Variants in PDE8B observed in about 807,000 individuals in gnomAD.
The protein encoded by PDE8B is phosphodiesterase 8B.
PDE8B carries 26 observed loss-of-function variants against 101.3 expected under a neutral mutation model. The ratio of observed to expected loss-of-function variants is 0.26; its 90% CI spans 0.19 to 0.36. The LOEUF is 0.36. Among genes scored for constraint, PDE8B ranks in the 10% least tolerant of loss-of-function variants. The pLI is 1.00. For missense variants in PDE8B, 810 were observed against 1,163.1 expected (o/e 0.70, Z 4.42); for synonymous variants, 424 against 429.3 (o/e 0.99, Z 0.15).
chr5:77,268,037 TA>T (rs961991597), intron 1 of PDE8B, among the ~76,000 whole-genome samples: 2,812 of 142,472 alleles, frequency 0.02, 59 homozygotes, highest in African/African-American at 0.063. Flanking sequence ...TTTAACAGGT[TA>T]AAAAAAAAAA....
intron 8 of PDE8B, 137 bp from the exon 9 acceptor site, chr5:77,350,928 G>C (rs1428280545): frequency 1.4e-6 from 1 of 731,554 alleles, no homozygotes; most frequent in Non-Finnish European, 2.5e-6. Flanking sequence ...CATTGCACTG[G>C]GTACAACAAT....
chr5:77,319,073 T>A (rs750697156), intron 2 of PDE8B, among the ~76,000 whole-genome samples: 21 of 152,220 alleles, frequency 1.4e-4, no homozygotes, highest in Non-Finnish European at 2.9e-4. Flanking sequence ...AAAGATATGT[T>A]TCAGCTTTCT....
chr5:77,301,352 C>A (rs1313334919), intron 1 of PDE8B, among the ~76,000 whole-genome samples: 1 of 152,164 alleles, frequency 6.6e-6, no homozygotes, highest in Non-Finnish European at 1.5e-5. Context: ...TGTTTCTTTG[C>A]CCATCAAATC....
At chr5:77,292,767 G>T (rs375786972) in intron 1 of PDE8B, among the ~76,000 whole-genome samples, 3 of 152,118 alleles carry the variant, frequency 2.0e-5, no homozygotes, top group African/African-American at 7.2e-5. Flanking sequence ...TAATAAGGAT[G>T]CCAATCCCTT....
chr5:77,168,718 G>A, the PDE8B span, among the ~76,000 whole-genome samples: 1 of 152,192 alleles, frequency 6.6e-6, no homozygotes, highest in Non-Finnish European at 1.5e-5. Flanking sequence ...CAGACCAGTG[G>A]CCTCAGCTCC....
At chr5:77,135,915 G>T in the PDE8B span, among the ~76,000 whole-genome samples, 5 of 152,066 alleles carry the variant, frequency 3.3e-5, no homozygotes, top group African/African-American at 1.2e-4. Flanking sequence ...TGGCAAATTT[G>T]AGGTGCCTGG....
At chr5:77,250,475 C>G (rs537668122) in intron 1 of PDE8B, among the ~76,000 whole-genome samples, 42 of 152,314 alleles carry the variant, frequency 2.8e-4, no homozygotes, top group African/African-American at 9.6e-4. Flanking sequence ...TGCCACACTT[C>G]AAGGTAAAAA....
the PDE8B span, among the ~76,000 whole-genome samples, chr5:77,097,727 A>ATATATCTATATATATATATC: frequency 1.6e-5 from 1 of 61,948 alleles, no homozygotes; most frequent in African/African-American, 3.8e-5. Flanking sequence ...ATATATATAT[A>ATATATCTATATATATATATC]TATATACATA....
At chr5:77,271,633 A>G (rs192299760) in intron 1 of PDE8B, among the ~76,000 whole-genome samples, 30 of 152,328 alleles carry the variant, frequency 2.0e-4, no homozygotes, top group Middle Eastern at 3.4e-3. Context: ...TCAACAGGTC[A>G]TGGCCCAGGA....
At chr5:77,370,726 A>C (rs925026932) in intron 10 of PDE8B, among the ~76,000 whole-genome samples, 2 of 152,232 alleles carry the variant, frequency 1.3e-5, no homozygotes, top group Non-Finnish European at 2.9e-5. Context: ...CTTTTGTAAG[A>C]AACTGCCAGT....
At chr5:77,159,409 G>C in the PDE8B span, among the ~76,000 whole-genome samples, 1 of 152,012 alleles carries the variant, frequency 6.6e-6, no homozygotes, top group Non-Finnish European at 1.5e-5. Context: ...AGGAGAGACA[G>C]GCCTAGTTTT....
intron 1 of PDE8B, among the ~76,000 whole-genome samples, chr5:77,215,799 C>CAA (rs1475762790): frequency 2.6e-5 from 4 of 152,224 alleles, no homozygotes; most frequent in South Asian, 2.1e-4. Context: ...GGTGGGAAGA[C>CAA]AGAGTCCAGA....
intron 3 of PDE8B, among the ~76,000 whole-genome samples, chr5:77,328,705 A>G (rs1776530770): frequency 6.6e-6 from 1 of 152,232 alleles, no homozygotes; most frequent in African/African-American, 2.4e-5. Flanking sequence ...TGGAGTTTCA[A>G]TTTTAAAAAA....
intron 10 of PDE8B, among the ~76,000 whole-genome samples, chr5:77,360,472 A>G (rs1326802657): frequency 1.3e-5 from 2 of 152,224 alleles, no homozygotes; most frequent in African/African-American, 4.8e-5. Flanking sequence ...CTTTTTCCAA[A>G]GCAACAGTTG....
chr5:77,425,470 T>C (rs1449960877), intron 20 of PDE8B, among the ~76,000 whole-genome samples: 2 of 152,092 alleles, frequency 1.3e-5, no homozygotes, highest in Non-Finnish European at 2.9e-5. Context: ...GAAGAATTGC[T>C]TGAACCTGGG....
chr5:77,186,372 A>C, the PDE8B span, among the ~76,000 whole-genome samples: 2 of 152,212 alleles, frequency 1.3e-5, no homozygotes, highest in African/African-American at 4.8e-5. Flanking sequence ...TGTTACAGTT[A>C]AGACAATGAG....
At chr5:77,151,662 G>T in the PDE8B span, among the ~76,000 whole-genome samples, 633 of 152,264 alleles carry the variant, frequency 4.2e-3, 7 homozygotes, top group African/African-American at 0.014. Flanking sequence ...GCATGGAGAG[G>T]TTAGATAACA....
At chr5:77,308,842 G>A (rs1771861387) in intron 1 of PDE8B, among the ~76,000 whole-genome samples, 1 of 152,100 alleles carries the variant, frequency 6.6e-6, no homozygotes, top group South Asian at 2.1e-4. Context: ...ACCATGTAAG[G>A]TTAGCTGTAT....
chr5:77,404,903 A>G, intron 12 of PDE8B, 106 bp downstream of exon 12: 1 of 720,284 alleles, frequency 1.4e-6, no homozygotes, highest in Non-Finnish European at 2.5e-6. Flanking sequence ...TAAGAGTTCA[A>G]CAACACCGAC....
Sources: allele counts gnomAD v4.1 joint callset (sites outside exome capture counted in the v4.1 genomes callset), GRCh38; gene constraint gnomAD v4.1.1; transcripts MANE v1.5; gene names NCBI Gene and HGNC (gene_info 2026-07-23, HGNC 2026-07-21).